The following WEE2 variants were observed in gnomAD, a reference collection of about 807,000 sequenced individuals.
The protein encoded by WEE2 is WEE2 oocyte meiosis inhibiting kinase, also known as wee1-like protein kinase 2.
In WEE2, 50 loss-of-function variants were observed where a neutral mutation model predicts 60.1. That is an observed-to-expected ratio of 0.83 (90% CI 0.66 to 1.05). The LOEUF (loss-of-function observed/expected upper bound fraction) is 1.05, where lower values mean the gene tolerates loss of function less well. WEE2 is among the 50% of genes least tolerant of loss of function. WEE2 has a pLI of 0.00. For missense variants in WEE2, 631 were observed against 684.3 expected (o/e 0.92, Z 0.87); for synonymous variants, 240 against 241.0 (o/e 1.00, Z 0.04).
chr7:141,725,017 GT>G lies in WEE2; in HGVS notation c.1222-5del. On this transcript the variant is annotated splice_polypyrimidine_tract_variant and splice_region_variant and intron_variant, in intron 8 of 11. Transcript: ENST00000397541. ...ATAGTAACTGGCCTTCCTGTCTTCT[GT>G]TTTGAAGGATTACCGGCACCTTCCC... The G allele has an allele frequency of 6.2e-7, 1 of 1,611,726 alleles. No homozygotes were observed. Among genetic ancestry groups the G allele is most frequent in the Non-Finnish European group, 8.5e-7 (1 of 1,178,608 alleles).
In WEE2 at chr7:141,711,334, T is replaced by C. The variant is rs1798708308; in HGVS notation, c.342+2234T>C. On this transcript the variant is annotated intron_variant, in intron 1 of 11. Transcript: ENST00000397541. The surrounding 1 kb of genome is among the most constrained non-coding windows in gnomAD (Gnocchi z 4.2). ...TGGCCCAGTTAGAAATCTTGGATAA[T>C]GCATTTAAGGGAGAGGCAGAGAACA... 6.6e-6 allele frequency among the ~76,000 whole-genome samples: 1 copy of C among 152,140 alleles called. No homozygotes were observed. Among genetic ancestry groups the C allele is most frequent in the Non-Finnish European group, 1.5e-5 (1 of 68,024 alleles).
chr7:141,729,726 C>T (rs565369762), intron 11 of WEE2, 53 bp downstream of exon 11: 100 of 1,563,876 alleles, frequency 6.4e-5, no homozygotes, highest in Non-Finnish European at 8.5e-5. Context: ...TGGTGGCTCA[C>T]GCCTGTAATC....
chr7:141,726,034 A>G (rs911695127), intron 9 of WEE2, among the ~76,000 whole-genome samples: 92 of 152,356 alleles, frequency 6.0e-4, no homozygotes, highest in African/African-American at 2.1e-3. Flanking sequence ...GAAAAAAGGC[A>G]TAATGTCAAT....
intron 1 of WEE2, among the ~76,000 whole-genome samples, chr7:141,710,580 G>T (rs1798694373): frequency 6.6e-6 from 1 of 152,230 alleles, no homozygotes; most frequent in African/African-American, 2.4e-5. Flanking sequence ...GGTTGAGCAT[G>T]ATGAGAAGGA....
rs775170216 is a variant in WEE2 at position 141,725,075 on chromosome 7, T to C, written c.1271T>C (p.Ile424Thr). ...KADIFALGLT[I>T]AVAAGAESLP... ...GACATATTTGCCTTGGGATTAACAA[T>C]TGCAGTGGCTGCAGGAGCAGAGTCA... is the stretch of plus-strand genomic sequence containing the variant. The change falls in exon 9 of 12, where the codon ATT becomes ACT. Residue 424 changes from isoleucine to threonine, a missense_variant. Ile to Thr is a moderately conservative substitution (Grantham distance 89). Coordinates refer to ENST00000397541, the MANE Select transcript of WEE2 (RefSeq NM_001105558.1). 3.1e-6 allele frequency: 5 copies of C among 1,614,168 alleles called. No individual in the cohort carries two copies. The Admixed American group carries it at 5.0e-5, about 16-fold the overall frequency.
In WEE2 at chr7:141,724,023, CTCTGCCAATG is replaced by C. The variant is rs768395840; in HGVS notation, c.1112_1121del (p.Ser371Ter). 6.2e-7 allele frequency: 1 copy of C among 1,613,262 alleles called. No homozygotes were observed. The highest frequency in any genetic ancestry group is 8.5e-7 in the Non-Finnish European group (1 of 1,179,638). On this transcript the variant is annotated frameshift_variant, in exon 7 of 12. Coordinates refer to ENST00000397541, the MANE Select transcript of WEE2 (RefSeq NM_001105558.1). LOFTEE classifies it high-confidence loss of function. Reference sequence around the variant, plus strand: ...TTGAAAATGAAGCTGATTGGTTTCTCTCTGCCAATGTGATGTATAAAATTGGTTAGTCTGC... The same window carrying C: ...TTGAAAATGAAGCTGATTGGTTTCTCTGATGTATAAAATTGGTTAGTCTGC...
chr7:141,724,425 ACT>A, intron 8 of WEE2, 150 bp downstream of exon 8: 1 of 707,442 alleles, frequency 1.4e-6, no homozygotes, highest in Non-Finnish European at 2.3e-6. Flanking sequence ...TAGGAGAGAA[ACT>A]CTTCCAAAAA....
chr7:141,721,132 T>G lies in WEE2; in HGVS notation c.880+76T>G, dbSNP rs1798902058. ...GCCTTCAGAAATAAACTTTCCCTCC[T>G]CCTCATAGTTCATTCCACGGATAGC... On this transcript the variant is annotated intron_variant, in intron 5 of 11. Transcript: ENST00000397541. 3 of 1,560,374 alleles carry G rather than the reference T, an allele frequency of 1.9e-6. No individual in the cohort carries two copies. The South Asian group carries it at 3.4e-5, about 18-fold the overall frequency.
In WEE2 at chr7:141,717,448, CTT is replaced by C. The variant is rs1486024535; in HGVS notation, c.585+1182_585+1183del. On this transcript the variant is annotated intron_variant, in intron 3 of 11. Transcript: ENST00000397541. ...TCCTCACTTATTTTATAATTTATCT[CTT>C]GATTTCAGATAGAAATTCTAATATT... 4.6e-5 allele frequency among the ~76,000 whole-genome samples: 7 copies of C among 152,240 alleles called. No homozygotes were observed. In the South Asian group the frequency reaches 8.3e-4, roughly 18 times the overall value.
In WEE2 at chr7:141,725,167, C is replaced by T; in HGVS notation, c.1363C>T (p.Leu455Phe). 1 of 1,614,124 alleles carries T rather than the reference C, an allele frequency of 6.2e-7. No homozygotes were observed. Among genetic ancestry groups the T allele is most frequent in the Non-Finnish European group, 8.5e-7 (1 of 1,180,012 alleles). ...KGNFPDVPQE[L>F]SESFSSLLKN... ...TAACTTTCCGGACGTTCCTCAGGAGCTCTCAGAAAGCTTTTCCAGTCTGCT... is the reference window on the plus strand; with the variant it reads ...TAACTTTCCGGACGTTCCTCAGGAGTTCTCAGAAAGCTTTTCCAGTCTGCT... The change falls in exon 9 of 12, where the codon CTC becomes TTC. Residue 455 changes from leucine (L) to phenylalanine (F), a missense_variant. By Grantham distance (22) the Leu-to-Phe change is conservative (BLOSUM62 0). Coordinates refer to ENST00000397541, the MANE Select transcript of WEE2 (RefSeq NM_001105558.1).
chr7:141,729,479 T>C, intron 10 of WEE2, 52 bp from the exon 11 acceptor site: 2 of 1,611,638 alleles, frequency 1.2e-6, no homozygotes, highest in Non-Finnish European at 1.7e-6. Context: ...TGATCATACA[T>C]ATCTCTGACT....
Position 141,725,140 on chromosome 7 carries a change from G to C in WEE2, c.1336G>C (p.Gly446Arg). The part of the protein sequence containing the change: ...NGAAWHHIRK[G>R]NFPDVPQELS... ...TGCTGCATGGCACCATATCCGCAAGGGTAACTTTCCGGACGTTCCTCAGGA... is the reference window on the plus strand; with the variant it reads ...TGCTGCATGGCACCATATCCGCAAGCGTAACTTTCCGGACGTTCCTCAGGA... The change falls in exon 9 of 12, where the codon GGT becomes CGT. Residue 446 changes from glycine to arginine, a missense_variant. By Grantham distance (125) the Gly-to-Arg change is moderately radical. Coordinates refer to ENST00000397541, the MANE Select transcript of WEE2 (RefSeq NM_001105558.1). The C allele has an allele frequency of 6.2e-7, 1 of 1,614,178 alleles. No individual in the cohort carries two copies. Among genetic ancestry groups the C allele is most frequent in the South Asian group, 1.1e-5 (1 of 91,078 alleles).
intron 3 of WEE2, among the ~76,000 whole-genome samples, chr7:141,718,040 G>A (rs1798837957): frequency 6.6e-6 from 1 of 152,160 alleles, no homozygotes; most frequent in African/African-American, 2.4e-5. Flanking sequence ...GAGAGGGCTG[G>A]TAGCTGTAGC....
rs373240057 is a variant in WEE2, at chr7:141,723,932, T to C, written c.1028-9T>C. On this transcript the variant is annotated splice_polypyrimidine_tract_variant and intron_variant, in intron 6 of 11. Transcript: ENST00000397541. ...ATTACTTACATCTATCCTGTCATTT[T>C]TTTTTCAGGTAATATATTCATTTGT... 1.2e-4 allele frequency: 197 copies of C among 1,576,216 alleles called. 1 individual carries two copies. The South Asian group carries it at 2.1e-3, about 17-fold the overall frequency.
rs1187959307 is a variant in WEE2 at position 141,716,256 on chromosome 7, C to T, written c.574C>T (p.Leu192=). 1.2e-6 allele frequency: 2 copies of T among 1,612,602 alleles called. No homozygotes were observed. The highest frequency in any genetic ancestry group is 1.3e-5 in the African/African-American group (1 of 74,816). ...EAGPEEGKGG[L]PAKRCVLRET... is the part of the protein sequence containing the mutation. ...TGGTCCAGAGGAAGGCAAGGGAGGGCTGCCTGCCAAGGTAAGCGTAGTTCT... is the reference window on the plus strand; with the variant it reads ...TGGTCCAGAGGAAGGCAAGGGAGGGTTGCCTGCCAAGGTAAGCGTAGTTCT... The change falls in exon 3 of 12, where the codon CTG becomes TTG. Residue 192 remains leucine, a synonymous_variant. Coordinates refer to ENST00000397541, the MANE Select transcript of WEE2 (RefSeq NM_001105558.1).
At chr7:141,723,065 A>G in intron 5 of WEE2, 69 bp from the exon 6 acceptor site, 1 of 1,583,466 alleles carries the variant, frequency 6.3e-7, no homozygotes, top group East Asian at 2.2e-5. Context: ...ATAGGAGGCC[A>G]ATTGTATTTA....
Position 141,726,335 on chromosome 7 carries a change from C to A in WEE2, c.1393-969C>A, listed in dbSNP as rs550142696. Among the ~76,000 whole-genome samples the A allele has an allele frequency of 3.9e-5, 6 of 152,116 alleles. No individual in the cohort carries two copies. The South Asian group carries it at 1.2e-3, about 32-fold the overall frequency. On this transcript the variant is annotated intron_variant, in intron 9 of 11. Transcript: ENST00000397541. ...TCATTCTGTTGCCTAGACTGGAGTG[C>A]AGTGGCACAATCATAGCTTACTGCA...
rs1451931136 is a variant in WEE2 at position 141,719,255 on chromosome 7, T to C, written c.758+11T>C. 7 of 1,574,826 alleles carry C rather than the reference T, an allele frequency of 4.4e-6. No individual in the cohort carries two copies. The highest frequency in any genetic ancestry group is 6.0e-6 in the Non-Finnish European group (7 of 1,160,818). ...AGAATTATCAAATGAGTGAGTACCT[T>C]TGAAATGCACTAAAAATATAAACTT... is the stretch of plus-strand genomic sequence containing the variant. On this transcript the variant is annotated intron_variant, in intron 4 of 11. Coordinates refer to ENST00000397541, the MANE Select transcript of WEE2 (RefSeq NM_001105558.1).
At chr7:141,719,987 AGTTT>A (rs113380826) in intron 4 of WEE2, among the ~76,000 whole-genome samples, 252 of 152,270 alleles carry the variant, frequency 1.7e-3, no homozygotes, top group African/African-American at 5.8e-3. Context: ...GGAAAATGAA[AGTTT>A]GTTTGATTCC....
Sources: allele counts gnomAD v4.1 joint callset (sites outside exome capture counted in the v4.1 genomes callset), GRCh38; gene constraint gnomAD v4.1.1; non-coding constraint Gnocchi (gnomAD v3.1); transcripts MANE v1.5; gene names NCBI Gene and HGNC (gene_info 2026-07-23, HGNC 2026-07-21).